Variants in RBFOX2 observed in about 807,000 individuals in gnomAD.
RBFOX2 encodes RNA binding fox-1 homolog 2, also known as RNA binding protein fox-1 homolog 2.
A neutral mutation model predicts 49.1 loss-of-function variants in RBFOX2; 10 were observed. That is an observed-to-expected ratio of 0.20 (90% CI 0.13 to 0.35). RBFOX2 has a LOEUF of 0.35. RBFOX2 is among the 10% of genes least tolerant of loss of function. The pLI is 1.00. For missense variants in RBFOX2, 323 were observed against 486.9 expected (o/e 0.66, Z 3.17); for synonymous variants, 183 against 187.4 (o/e 0.98, Z 0.19).
At chr22:35,882,824 C>G (rs1325971964) in intron 1 of RBFOX2, among the ~76,000 whole-genome samples, 2 of 152,164 alleles carry the variant, frequency 1.3e-5, no homozygotes, top group Non-Finnish European at 2.9e-5. Flanking sequence ...GACTTGTAAG[C>G]AAAAGCCAAA....
chr22:35,802,749 T>C (rs1297960538), intron 2 of RBFOX2, among the ~76,000 whole-genome samples: 5 of 151,924 alleles, frequency 3.3e-5, no homozygotes, highest in African/African-American at 1.2e-4. Flanking sequence ...CAGCTAGAAA[T>C]CTGAAGGGGA....
At chr22:36,016,569 C>T (rs1221111723) in intron 1 of RBFOX2, among the ~76,000 whole-genome samples, 1 of 152,142 alleles carries the variant, frequency 6.6e-6, no homozygotes, top group Non-Finnish European at 1.5e-5. Flanking sequence ...TCTTCAACAA[C>T]GGAGAAACCA....
upstream of RBFOX2, among the ~76,000 whole-genome samples, chr22:35,962,985 A>T (rs2056327913): frequency 6.6e-6 from 1 of 151,496 alleles, no homozygotes; most frequent in Non-Finnish European, 1.5e-5. Context: ...AATGAAAAAA[A>T]TAAGGCACAC....
At chr22:35,966,778 T>G (rs2056582992) in intron 1 of RBFOX2, among the ~76,000 whole-genome samples, 1 of 152,176 alleles carries the variant, frequency 6.6e-6, no homozygotes, top group South Asian at 2.1e-4. Context: ...TCTCCTACTT[T>G]GTAGTTTGCC....
chr22:35,989,184 A>C (rs77877145), intron 1 of RBFOX2, among the ~76,000 whole-genome samples: 1,964 of 152,366 alleles, frequency 0.013, 19 homozygotes, highest in Non-Finnish European at 0.02. Context: ...AGTTGTCAGC[A>C]TATAGATGAT....
intron 9 of RBFOX2, chr22:35,750,406 G>A: frequency 6.4e-7 from 1 of 1,572,202 alleles, no homozygotes; most frequent in Non-Finnish European, 8.7e-7. Context: ...AAGGACATAT[G>A]TATTTACACA....
intron 1 of RBFOX2, among the ~76,000 whole-genome samples, chr22:35,814,710 C>CAAAA (rs55971445): frequency 4.1e-3 from 128 of 30,986 alleles, no homozygotes; most frequent in African/African-American, 6.8e-3. Flanking sequence ...AACCCTGTCT[C>CAAAA]AAAAAAAAAA....
rs1933990846 is a variant in RBFOX2 at position 35,749,297 on chromosome 22, A to G, written c.888-2736T>C. Among the ~76,000 whole-genome samples the G allele has an allele frequency of 6.6e-6, 1 of 152,242 alleles. No homozygotes were observed. The highest frequency in any genetic ancestry group is 2.1e-4 in the South Asian group (1 of 4,830). On this transcript the variant is annotated intron_variant, in intron 9 of 11. Coordinates refer to ENST00000405409, the Ensembl canonical transcript of RBFOX2. The surrounding 1 kb of genome is among the most constrained non-coding windows in gnomAD (Gnocchi z 4.1). ...GAATATCAGCACTAAGAAAAAACAC[A>G]TGAAGAGTTTTTTTTAAAGCAGATG...
intron 1 of RBFOX2, among the ~76,000 whole-genome samples, chr22:36,008,891 A>G (rs145967439): frequency 3.3e-4 from 51 of 152,316 alleles, no homozygotes; most frequent in African/African-American, 1.2e-3. Context: ...AGTAAAATAT[A>G]CAATCTATCT....
chr22:35,867,186 A>C (rs911549665), intron 1 of RBFOX2, among the ~76,000 whole-genome samples: 2 of 152,196 alleles, frequency 1.3e-5, no homozygotes, highest in African/African-American at 4.8e-5. Context: ...AGGTTAACAG[A>C]TATATTCACT....
At chr22:35,857,973 T>C (rs2042694202) in intron 1 of RBFOX2, among the ~76,000 whole-genome samples, 2 of 152,292 alleles carry the variant, frequency 1.3e-5, no homozygotes, top group South Asian at 4.1e-4. Flanking sequence ...GGTGAATATA[T>C]AACAATGCCA....
At chr22:35,892,723 A>G (rs1231859302) in intron 1 of RBFOX2, among the ~76,000 whole-genome samples, 1 of 152,238 alleles carries the variant, frequency 6.6e-6, no homozygotes, top group Non-Finnish European at 1.5e-5. Flanking sequence ...ACATCCTTGC[A>G]GAACTGGGCA....
intron 1 of RBFOX2, among the ~76,000 whole-genome samples, chr22:35,838,390 C>T (rs1958080434): frequency 6.6e-6 from 1 of 151,750 alleles, no homozygotes; most frequent in African/African-American, 2.4e-5. Flanking sequence ...AGAGGACCAA[C>T]ATGGGCATTT....
chr22:35,941,941 C>T (rs2053735358), upstream of RBFOX2, among the ~76,000 whole-genome samples: 2 of 152,122 alleles, frequency 1.3e-5, no homozygotes, highest in African/African-American at 4.8e-5. Flanking sequence ...CTTACAAATG[C>T]ATTAATTTTG....
At chr22:35,937,838 C>T (rs570671232) in intron 1 of RBFOX2, among the ~76,000 whole-genome samples, 1 of 152,268 alleles carries the variant, frequency 6.6e-6, no homozygotes, top group Admixed American at 6.5e-5. Flanking sequence ...ATCCACCCAC[C>T]TTGGCCTCCC....
chr22:35,909,704 C>T (rs6000031), intron 1 of RBFOX2, among the ~76,000 whole-genome samples: 20,118 of 152,184 alleles, frequency 0.13, 2,868 homozygotes, highest in African/African-American at 0.36. Context: ...CTCCGCTTCC[C>T]GGATTCAAGC....
chr22:35,740,142 C>T (rs1374768938), exon 12 of RBFOX2: 1 of 152,402 alleles, frequency 6.6e-6, no homozygotes, highest in African/African-American at 2.4e-5. Flanking sequence ...GTGCCAGGGA[C>T]TCTATTACAC....
intron 1 of RBFOX2, among the ~76,000 whole-genome samples, chr22:35,934,737 T>C (rs2052854853): frequency 1.3e-5 from 2 of 152,150 alleles, no homozygotes; most frequent in African/African-American, 4.8e-5. Flanking sequence ...TTGCTGCTCT[T>C]AAGCTCTTCT....
chr22:35,867,249 A>G (rs933420781), intron 1 of RBFOX2, among the ~76,000 whole-genome samples: 1 of 152,210 alleles, frequency 6.6e-6, no homozygotes, highest in African/African-American at 2.4e-5. Flanking sequence ...AATTCCATCA[A>G]ATACCACACT....
Sources: allele counts gnomAD v4.1 joint callset (sites outside exome capture counted in the v4.1 genomes callset), GRCh38; gene constraint gnomAD v4.1.1; non-coding constraint Gnocchi (gnomAD v3.1); transcripts MANE v1.5; gene names NCBI Gene and HGNC (gene_info 2026-07-23, HGNC 2026-07-21).